YPEL2: variants seen among roughly 807,000 people sequenced by gnomAD.
YPEL2 encodes protein yippee-like 2.
A neutral mutation model predicts 19.1 loss-of-function variants in YPEL2; 2 were observed. That is an observed-to-expected ratio of 0.10 (90% CI 0.04 to 0.33). The LOEUF is 0.33. Among genes scored for constraint, YPEL2 ranks in the 10% least tolerant of loss-of-function variants. The pLI is 1.00. For missense variants in YPEL2, 66 were observed against 140.7 expected (o/e 0.47, Z 2.68); for synonymous variants, 52 against 50.0 (o/e 1.04, Z -0.17).
chr17:59,334,608 G>T (rs1306055748), intron 1 of YPEL2, among the ~76,000 whole-genome samples: 1 of 126,942 alleles, frequency 7.9e-6, no homozygotes, highest in Admixed American at 7.3e-5. Context: ...ACACACACAC[G>T]CCTGATGCAG....
At chr17:59,352,952 T>G (rs867636778) in intron 1 of YPEL2, among the ~76,000 whole-genome samples, 9 of 152,048 alleles carry the variant, frequency 5.9e-5, no homozygotes, top group African/African-American at 2.2e-4. Context: ...TGCCTGGGAA[T>G]GATGATAATG....
In YPEL2 at chr17:59,353,389, A is replaced by C. The variant is rs1239466053; in HGVS notation, c.-21A>C. Reference sequence around the variant, plus strand: ...TGCCTCGTGGGCTGCCCCAGAGTTCACCCCACACTCAGCAGCACCAATGGT... The same window carrying C: ...TGCCTCGTGGGCTGCCCCAGAGTTCCCCCCACACTCAGCAGCACCAATGGT... On this transcript the variant is annotated 5_prime_UTR_variant, in exon 2 of 5. Coordinates refer to ENST00000312655, the MANE Select transcript of YPEL2 (RefSeq NM_001005404.4). The surrounding 1 kb of genome is among the most constrained non-coding windows in gnomAD (Gnocchi z 4.8). The C allele has an allele frequency of 6.5e-7, 1 of 1,544,736 alleles. No individual in the cohort carries two copies. The highest frequency in any genetic ancestry group is 1.4e-5 in the African/African-American group (1 of 73,416).
chr17:59,368,688 A>G (rs1046128012), intron 2 of YPEL2, among the ~76,000 whole-genome samples: 11 of 152,196 alleles, frequency 7.2e-5, no homozygotes, highest in African/African-American at 2.7e-4. Flanking sequence ...GTCAGGGTGG[A>G]TCATGCAAGG....
chr17:59,337,344 C>T (rs931231865), intron 1 of YPEL2, among the ~76,000 whole-genome samples: 9 of 151,854 alleles, frequency 5.9e-5, no homozygotes, highest in East Asian at 1.9e-4. Flanking sequence ...CCCACCATCA[C>T]GCCCGGCTAA....
intron 4 of YPEL2, among the ~76,000 whole-genome samples, chr17:59,395,557 A>G (rs2048034571): frequency 6.6e-6 from 1 of 152,132 alleles, no homozygotes; most frequent in African/African-American, 2.4e-5. Context: ...TGGGTTTAGA[A>G]AAGTCACCTG....
chr17:59,392,581 G>T (rs1364554162), intron 4 of YPEL2, among the ~76,000 whole-genome samples: 1 of 148,964 alleles, frequency 6.7e-6, no homozygotes, highest in Non-Finnish European at 1.5e-5. Context: ...TGTGATCTCG[G>T]CTTACTGCAA....
intron 2 of YPEL2, among the ~76,000 whole-genome samples, chr17:59,363,780 CT>C (rs1454266693): frequency 2.6e-5 from 4 of 152,240 alleles, no homozygotes; most frequent in Non-Finnish European, 5.9e-5. Flanking sequence ...TGCTCATGTA[CT>C]TTTTGCTACC....
chr17:59,372,833 G>GC (rs1483289459), intron 2 of YPEL2, among the ~76,000 whole-genome samples: 3 of 152,160 alleles, frequency 2.0e-5, no homozygotes, highest in Admixed American at 2.0e-4. Context: ...TTATGACAAT[G>GC]CCCCGAGGCA....
At chr17:59,368,816 G>T (rs1274257946) in intron 2 of YPEL2, among the ~76,000 whole-genome samples, 1 of 152,194 alleles carries the variant, frequency 6.6e-6, no homozygotes. Flanking sequence ...ATAAAACATA[G>T]CCTATTTTGG....
chr17:59,333,368 T>A (rs1257737384), intron 1 of YPEL2, among the ~76,000 whole-genome samples: 1 of 152,256 alleles, frequency 6.6e-6, no homozygotes, highest in Non-Finnish European at 1.5e-5. Context: ...TAGCATTCAA[T>A]GACAGCATTT....
In YPEL2 at chr17:59,400,026, C is replaced by T. The variant is rs954690169; in HGVS notation, c.*2836C>T. ...AGTCCAGCCAGCAGACTCTCTAGCT[C>T]CATCTCCCCTGTGCCACCCTAGGTC... On this transcript the variant is annotated 3_prime_UTR_variant, in exon 5 of 5. Transcript: ENST00000312655. 9.2e-5 allele frequency: 14 copies of T among 152,848 alleles called. No homozygotes were observed. Among genetic ancestry groups the T allele is most frequent in the Admixed American group, 5.2e-4 (8 of 15,292 alleles). The allele number at this position is 152,848 out of a possible 1,614,324, so 9.5% of individuals were successfully genotyped here. A position where few individuals can be genotyped will look rare whatever the true frequency, so the allele number is the denominator to read the frequency against.
chr17:59,335,617 C>G (rs2047694896), intron 1 of YPEL2, among the ~76,000 whole-genome samples: 1 of 152,116 alleles, frequency 6.6e-6, no homozygotes, highest in Non-Finnish European at 1.5e-5. Context: ...GTGGTGTGAT[C>G]TGCTCACTGC....
In YPEL2 at chr17:59,353,128, CT is replaced by C; in HGVS notation, c.-195-85del. 2 of 285,432 alleles carry C rather than the reference CT, an allele frequency of 7.0e-6. No homozygotes were observed. Among genetic ancestry groups the C allele is most frequent in the South Asian group, 8.0e-5 (1 of 12,466 alleles). 17.7% of individuals were successfully genotyped at this position (285,432 alleles called of 1,614,324 possible). A position where few individuals can be genotyped will look rare whatever the true frequency, so the allele number is the denominator to read the frequency against. On this transcript the variant is annotated intron_variant, in intron 1 of 4. Coordinates refer to ENST00000312655, the MANE Select transcript of YPEL2 (RefSeq NM_001005404.4). The surrounding 1 kb of genome is among the most constrained non-coding windows in gnomAD (Gnocchi z 4.8). ...CATTTGATCCTGTCAGTGTTGCCTTCTTCATGGGTGGCAGTTGGATTCTGCT... is the reference window on the plus strand; with the variant it reads ...CATTTGATCCTGTCAGTGTTGCCTTCTCATGGGTGGCAGTTGGATTCTGCT...
intron 3 of YPEL2, 128 bp downstream of exon 3, chr17:59,388,498 C>CG: frequency 3.2e-6 from 3 of 939,834 alleles, no homozygotes; most frequent in Middle Eastern, 4.5e-4. Flanking sequence ...TGGAGCATTA[C>CG]TGTCCACAAT....
intron 1 of YPEL2, among the ~76,000 whole-genome samples, chr17:59,347,145 C>T (rs2047760373): frequency 1.3e-5 from 2 of 152,170 alleles, no homozygotes; most frequent in Admixed American, 6.5e-5. Flanking sequence ...TTTCTACTAA[C>T]TTAGTTCATC....
At chr17:59,392,896 C>G (rs899192065) in intron 4 of YPEL2, among the ~76,000 whole-genome samples, 7 of 152,160 alleles carry the variant, frequency 4.6e-5, no homozygotes, top group African/African-American at 1.7e-4. Flanking sequence ...GTGATCCCCC[C>G]ACCTTGGTCT....
chr17:59,378,524 CG>C (rs1248505579), intron 2 of YPEL2, among the ~76,000 whole-genome samples: 1 of 151,984 alleles, frequency 6.6e-6, no homozygotes, highest in Non-Finnish European at 1.5e-5. Flanking sequence ...TTGGTAGAGA[CG>C]GAGTTTCACC....
Position 59,353,642 on chromosome 17 carries a change from G to A in YPEL2, c.117+116G>A, listed in dbSNP as rs2047798270. ...TTTGTACTCCATCTTTGTACAGGGA[G>A]GGCTGACCCACGTGACCGTCTCACT... On this transcript the variant is annotated intron_variant, in intron 2 of 4. Transcript: ENST00000312655. The surrounding 1 kb of genome is among the most constrained non-coding windows in gnomAD (Gnocchi z 4.8). 2.4e-6 allele frequency: 2 copies of A among 828,240 alleles called. No homozygotes were observed. The highest frequency in any genetic ancestry group is 2.5e-5 in the East Asian group (1 of 40,516). 51.3% of individuals were successfully genotyped at this position (828,240 alleles called of 1,614,324 possible). A position where few individuals can be genotyped will look rare whatever the true frequency, so the allele number is the denominator to read the frequency against.
At chr17:59,371,896 T>G (rs1319358866) in intron 2 of YPEL2, among the ~76,000 whole-genome samples, 2 of 152,236 alleles carry the variant, frequency 1.3e-5, no homozygotes. Flanking sequence ...ACAGTTCACT[T>G]CACTGGTCTC....
Sources: gnomAD v4.1 joint callset for allele counts (sites outside exome capture counted in the v4.1 genomes callset) on GRCh38, gnomAD v4.1.1 for gene constraint, Gnocchi (gnomAD v3.1) non-coding constraint, MANE v1.5 for transcripts, NCBI Gene and HGNC (gene_info 2026-07-23, HGNC 2026-07-21) for gene names.